ADGRL2: variants seen among roughly 807,000 people sequenced by gnomAD.
ADGRL2 encodes the protein adhesion G protein-coupled receptor L2.
A neutral mutation model predicts 157.4 loss-of-function variants in ADGRL2; 44 were observed. The observed-to-expected ratio is 0.28, with a 90% CI of 0.22 to 0.36. The LOEUF is 0.36. Among genes scored for constraint, ADGRL2 ranks in the 10% least tolerant of loss-of-function variants. ADGRL2 has a pLI of 1.00. For missense variants in ADGRL2, 1,510 were observed against 1,768.9 expected, an observed-to-expected ratio of 0.85 and a Z score of 2.63; for synonymous variants, 585 against 624.7, an observed-to-expected ratio of 0.94 and a Z score of 0.95.
intron 2 of ADGRL2, among the ~76,000 whole-genome samples, chr1:81,464,351 A>G (rs1269543692): frequency 6.6e-6 from 1 of 152,106 alleles, no homozygotes; most frequent in Non-Finnish European, 1.5e-5. Flanking sequence ...ATGTGAAAAT[A>G]GAAAAGCATC....
At chr1:81,865,543 TA>T (rs2093516806) in intron 2 of ADGRL2, among the ~76,000 whole-genome samples, 1 of 152,220 alleles carries the variant, frequency 6.6e-6, no homozygotes, top group Non-Finnish European at 1.5e-5. Context: ...ATTCTTAATT[TA>T]TTATGTTTTC....
intron 2 of ADGRL2, among the ~76,000 whole-genome samples, chr1:81,496,895 TA>T (rs750777857): frequency 1.2e-4 from 18 of 152,046 alleles, no homozygotes; most frequent in African/African-American, 2.2e-4. Context: ...GAAAACAATA[TA>T]TTTTTTTTCC....
chr1:81,328,502 G>T lies in ADGRL2; in HGVS notation c.-302+21993G>T, dbSNP rs185400590. Among the ~76,000 whole-genome samples, 4 of 152,132 alleles carry T rather than the reference G, an allele frequency of 2.6e-5. No individual in the cohort carries two copies. In the East Asian group the frequency reaches 7.7e-4, roughly 29 times the overall value. On this transcript the variant is annotated intron_variant, in intron 1 of 24. Transcript: ENST00000370721. ...ACTAGGTTAGAAGCTTATTGATTAG[G>T]TCTCTTTTTTCTGTCTCTACCCTAC...
intron 3 of ADGRL2, among the ~76,000 whole-genome samples, chr1:81,604,416 G>A (rs1163023146): frequency 6.6e-6 from 1 of 152,176 alleles, no homozygotes. Context: ...AACCTCCCAG[G>A]TTAGAGTATA....
At chr1:81,391,300 T>C (rs1471875117) in intron 1 of ADGRL2, among the ~76,000 whole-genome samples, 1 of 152,300 alleles carries the variant, frequency 6.6e-6, no homozygotes, top group Non-Finnish European at 1.5e-5. Context: ...CGTGCTAACA[T>C]CAATTGCAAC....
intron 17 of ADGRL2, among the ~76,000 whole-genome samples, chr1:81,976,210 C>A (rs1021866944): frequency 6.6e-6 from 1 of 151,492 alleles, no homozygotes; most frequent in South Asian, 2.1e-4. Flanking sequence ...AAATTTTTTT[C>A]TTTAGTTGGG....
intron 1 of ADGRL2, among the ~76,000 whole-genome samples, chr1:81,342,188 C>A (rs1033566399): frequency 1.3e-5 from 2 of 152,092 alleles, no homozygotes; most frequent in Non-Finnish European, 2.9e-5. Flanking sequence ...AATTTCCCAC[C>A]TGAATATTTC....
intron 1 of ADGRL2, among the ~76,000 whole-genome samples, chr1:81,816,219 A>G (rs890283479): frequency 2.6e-5 from 4 of 151,850 alleles, no homozygotes; most frequent in Admixed American, 6.6e-5. Flanking sequence ...AAACGAAAAT[A>G]TAGCTTTGAT....
chr1:81,678,495 T>C (rs1438169173), intron 3 of ADGRL2, among the ~76,000 whole-genome samples: 4 of 152,226 alleles, frequency 2.6e-5, no homozygotes, highest in Non-Finnish European at 4.4e-5. Context: ...ATCTTTGGCC[T>C]AAATTTTGAA....
chr1:81,649,406 T>C (rs979147401), intron 3 of ADGRL2, among the ~76,000 whole-genome samples: 2 of 152,236 alleles, frequency 1.3e-5, no homozygotes, highest in Non-Finnish European at 2.9e-5. Flanking sequence ...AAAAGGTCTG[T>C]TATCTTATCC....
intron 2 of ADGRL2, among the ~76,000 whole-genome samples, chr1:81,787,547 C>T (rs1267626696): frequency 1.3e-5 from 2 of 151,868 alleles, no homozygotes; most frequent in South Asian, 2.1e-4. Flanking sequence ...CCCAGCTACT[C>T]GGGAAGCTGA....
intron 2 of ADGRL2, chr1:81,502,224 C>T: frequency 2.5e-6 from 4 of 1,606,900 alleles, no homozygotes; most frequent in Non-Finnish European, 3.4e-6. Context: ...GGGCTCCCAC[C>T]ACATGGACAA....
chr1:81,879,845 G>A (rs975072634), intron 2 of ADGRL2, among the ~76,000 whole-genome samples: 5 of 152,080 alleles, frequency 3.3e-5, no homozygotes, highest in Admixed American at 1.3e-4. Flanking sequence ...TGGCCAATGT[G>A]GTGAAACCCT....
chr1:81,369,457 T>G (rs2076124507), intron 1 of ADGRL2, among the ~76,000 whole-genome samples: 2 of 152,152 alleles, frequency 1.3e-5, no homozygotes, highest in South Asian at 4.1e-4. Context: ...CATGCAATAT[T>G]TCCAGAGTTG....
intron 11 of ADGRL2, among the ~76,000 whole-genome samples, chr1:81,964,638 A>C (rs2149261238): frequency 6.6e-6 from 1 of 152,242 alleles, no homozygotes; most frequent in Middle Eastern, 3.4e-3. Flanking sequence ...CAGAAGATTA[A>C]AAAAATTAGT....
intron 1 of ADGRL2, among the ~76,000 whole-genome samples, chr1:81,425,709 TG>T (rs1381821544): frequency 2.0e-5 from 3 of 152,170 alleles, no homozygotes; most frequent in African/African-American, 7.2e-5. Flanking sequence ...TGCCGGCTTT[TG>T]TCAATTGCTT....
chr1:81,473,618 G>T (rs1453227362), intron 2 of ADGRL2, among the ~76,000 whole-genome samples: 1 of 152,120 alleles, frequency 6.6e-6, no homozygotes, highest in Non-Finnish European at 1.5e-5. Flanking sequence ...GAAGGGCTTT[G>T]CTAATAAATA....
At chr1:81,585,651 C>A (rs977961345) in intron 3 of ADGRL2, among the ~76,000 whole-genome samples, 1 of 152,082 alleles carries the variant, frequency 6.6e-6, no homozygotes, top group African/African-American at 2.4e-5. Flanking sequence ...GTAGCTGACT[C>A]TGAGAAAACA....
intron 2 of ADGRL2, chr1:81,502,299 A>T: frequency 6.2e-7 from 1 of 1,613,982 alleles, no homozygotes; most frequent in East Asian, 2.2e-5. Flanking sequence ...ACAGCAGGAC[A>T]GCTGAACTGG....
Sources: allele counts gnomAD v4.1 joint callset (sites outside exome capture counted in the v4.1 genomes callset), GRCh38; gene constraint gnomAD v4.1.1; transcripts MANE v1.5; gene names NCBI Gene and HGNC (gene_info 2026-07-23, HGNC 2026-07-21).